The following GPATCH1 variants were observed in gnomAD, a reference collection of about 807,000 sequenced individuals.
GPATCH1 encodes the protein G-patch domain containing 1, also known as G patch domain-containing protein 1.
GPATCH1 carries 73 observed loss-of-function variants against 114.9 expected under a neutral mutation model. That is an observed-to-expected ratio of 0.64 (90% CI 0.53 to 0.77). The LOEUF is 0.77. Ranked by LOEUF, GPATCH1 falls within the 30% of genes least tolerant of loss-of-function variation. GPATCH1 has a pLI of 0.00. For synonymous variants in GPATCH1, 391 were observed against 428.4 expected (o/e 0.91, Z 1.08); for missense variants, 1,058 against 1,144.3 (o/e 0.92, Z 1.09).
At chr19:33,090,937 C>T in intron 3 of GPATCH1, 72 bp downstream of exon 3, 4 of 873,804 alleles carry the variant, frequency 4.6e-6, no homozygotes, top group South Asian at 2.7e-5. Context: ...ACTGCCTTCT[C>T]TCTCCCCAGA....
intron 2 of GPATCH1, 47 bp downstream of exon 2, chr19:33,088,315 C>A: frequency 8.6e-6 from 11 of 1,285,128 alleles, no homozygotes; most frequent in African/African-American, 1.5e-5. Flanking sequence ...AGCAAATGAT[C>A]AAAATATTGA....
chr19:33,129,091 A>G (rs1422057375), intron 19 of GPATCH1, among the ~76,000 whole-genome samples: 1 of 151,924 alleles, frequency 6.6e-6, no homozygotes, highest in Non-Finnish European at 1.5e-5. Flanking sequence ...CATCTCTACT[A>G]AAAAAACTAG....
chr19:33,088,049 T>C, intron 1 of GPATCH1, 85 bp from the exon 2 acceptor site: 1 of 730,856 alleles, frequency 1.4e-6, no homozygotes, highest in Non-Finnish European at 2.1e-6. Context: ...ATTTATGATA[T>C]TTAAAAAGTG....
chr19:33,103,067 A>G (rs1282670725), intron 9 of GPATCH1, among the ~76,000 whole-genome samples: 1 of 152,220 alleles, frequency 6.6e-6, no homozygotes, highest in African/African-American at 2.4e-5. Flanking sequence ...TCACATGCTC[A>G]CAGGCACACT....
intron 3 of GPATCH1, among the ~76,000 whole-genome samples, chr19:33,092,140 A>G (rs1972603553): frequency 6.6e-6 from 1 of 151,178 alleles, no homozygotes; most frequent in Non-Finnish European, 1.5e-5. Context: ...TCTGCTTGCC[A>G]GGTTCAAGTG....
intron 10 of GPATCH1, among the ~76,000 whole-genome samples, chr19:33,108,729 G>T (rs1161741535): frequency 6.6e-6 from 1 of 151,956 alleles, no homozygotes; most frequent in Non-Finnish European, 1.5e-5. Flanking sequence ...AAGCTCCTGG[G>T]CCAGGTCCTG....
intron 2 of GPATCH1, among the ~76,000 whole-genome samples, chr19:33,090,367 A>G (rs955843159): frequency 5.3e-5 from 8 of 152,050 alleles, no homozygotes; most frequent in African/African-American, 1.9e-4. Context: ...ATATCTTTAC[A>G]CTTGATCTTA....
intron 15 of GPATCH1, 21 bp downstream of exon 15, chr19:33,114,440 C>G: frequency 6.4e-7 from 1 of 1,563,610 alleles, no homozygotes; most frequent in Admixed American, 2.0e-5. Context: ...CTTCCAGATT[C>G]TCTTTGCCAC....
chr19:33,121,528 A>G (rs1437144024), intron 17 of GPATCH1, among the ~76,000 whole-genome samples: 4 of 152,116 alleles, frequency 2.6e-5, no homozygotes, highest in Non-Finnish European at 5.9e-5. Flanking sequence ...CATATTGGTC[A>G]GGCTGGTCTC....
chr19:33,126,055 CA>C (rs1322541509), intron 18 of GPATCH1, among the ~76,000 whole-genome samples: 1 of 152,142 alleles, frequency 6.6e-6, no homozygotes, highest in Non-Finnish European at 1.5e-5. Context: ...TACTGGCCAC[CA>C]GAGGGAAGCA....
At chr19:33,083,243 CAAAAAAAAAAAA>C (rs759998717) in intron 1 of GPATCH1, among the ~76,000 whole-genome samples, 3 of 61,684 alleles carry the variant, frequency 4.9e-5, no homozygotes, top group Non-Finnish European at 9.7e-5. Context: ...GACTCTGTCT[CAAAAAAAAAAAA>C]AAAAAAAATA....
intron 3 of GPATCH1, among the ~76,000 whole-genome samples, chr19:33,091,083 G>C (rs1049578495): frequency 2.6e-5 from 4 of 152,134 alleles, no homozygotes; most frequent in Non-Finnish European, 5.9e-5. Flanking sequence ...AAAATCAAGA[G>C]TGTAAGGGGA....
intron 19 of GPATCH1, among the ~76,000 whole-genome samples, chr19:33,126,995 C>A (rs996757266): frequency 6.6e-6 from 1 of 151,842 alleles, no homozygotes; most frequent in East Asian, 1.9e-4. Flanking sequence ...ATTAGCTGGG[C>A]GTGGTGGTGC....
chr19:33,096,719 C>T (rs1972664563), intron 7 of GPATCH1, among the ~76,000 whole-genome samples: 1 of 151,812 alleles, frequency 6.6e-6, no homozygotes, highest in Non-Finnish European at 1.5e-5. Flanking sequence ...ACCTCTGTCT[C>T]CTGGGTTCAA....
At chr19:33,109,649 T>C in intron 10 of GPATCH1, 68 bp from the exon 11 acceptor site, 1 of 991,414 alleles carries the variant, frequency 1.0e-6, no homozygotes, top group Non-Finnish European at 1.5e-6. Flanking sequence ...GAAATGTATG[T>C]ACAGAGAAAC....
chr19:33,098,027 C>T (rs1972683523), intron 8 of GPATCH1, 125 bp downstream of exon 8: 2 of 945,040 alleles, frequency 2.1e-6, no homozygotes, highest in Non-Finnish European at 3.2e-6. Context: ...AGAAACAAAA[C>T]AAAGAAGCGA....
At chr19:33,085,995 C>T (rs1034349323) in intron 1 of GPATCH1, among the ~76,000 whole-genome samples, 8 of 152,188 alleles carry the variant, frequency 5.3e-5, no homozygotes, top group African/African-American at 9.7e-5. Context: ...TCCCTCTTAC[C>T]GTAGCCCAGT....
intron 17 of GPATCH1, among the ~76,000 whole-genome samples, chr19:33,121,151 C>T (rs1972979345): frequency 1.3e-5 from 2 of 151,434 alleles, no homozygotes; most frequent in Admixed American, 6.6e-5. Flanking sequence ...GACAGGGTCT[C>T]ACTCTGTCAC....
At chr19:33,130,045 C>A in intron 19 of GPATCH1, 85 bp from the exon 20 acceptor site, 2 of 943,356 alleles carry the variant, frequency 2.1e-6, no homozygotes, top group South Asian at 1.3e-5. Flanking sequence ...TATGGGGAGG[C>A]CTGGCATTCT....
Sources: gnomAD v4.1 joint callset for allele counts (sites outside exome capture counted in the v4.1 genomes callset) on GRCh38, gnomAD v4.1.1 for gene constraint, MANE v1.5 for transcripts, NCBI Gene and HGNC (gene_info 2026-07-23, HGNC 2026-07-21) for gene names.